ADAMTS18: variants seen among roughly 807,000 people sequenced by gnomAD.
The protein encoded by ADAMTS18 is A disintegrin and metalloproteinase with thrombospondin motifs 18.
ADAMTS18 carries 157 observed loss-of-function variants against 165.9 expected under a neutral mutation model. The ratio of observed to expected loss-of-function variants is 0.95; its 90% CI spans 0.83 to 1.08. ADAMTS18 has a LOEUF of 1.08. ADAMTS18 is among the 50% of genes least tolerant of loss of function. The pLI is 0.00. For synonymous variants in ADAMTS18, 782 were observed against 578.2 expected (o/e 1.35, Z -5.06); for missense variants, 2,040 against 1,534.0 (o/e 1.33, Z -5.51).
intron 4 of ADAMTS18, among the ~76,000 whole-genome samples, chr16:77,365,108 A>C (rs563842942): frequency 5.3e-4 from 81 of 152,266 alleles, no homozygotes; most frequent in African/African-American, 1.9e-3. Flanking sequence ...TCCTCAAAAG[A>C]AACACCCAAC....
chr16:77,318,852 T>C (rs1429841622), intron 16 of ADAMTS18, among the ~76,000 whole-genome samples: 1 of 152,194 alleles, frequency 6.6e-6, no homozygotes, highest in Non-Finnish European at 1.5e-5. Context: ...ACATGACTCC[T>C]AAGAGTAGCT....
At chr16:77,356,441 A>T (rs1033429166) in intron 8 of ADAMTS18, among the ~76,000 whole-genome samples, 4 of 152,194 alleles carry the variant, frequency 2.6e-5, no homozygotes, top group Admixed American at 2.0e-4. Context: ...CTTGTCACCA[A>T]CCACGGAACT....
chr16:77,326,720 T>C (rs1417555026), intron 12 of ADAMTS18, among the ~76,000 whole-genome samples: 2 of 152,274 alleles, frequency 1.3e-5, no homozygotes, highest in Non-Finnish European at 2.9e-5. Flanking sequence ...TTTTTAAATT[T>C]TTTAAAACTT....
At chr16:77,426,831 TG>T (rs1162347237) in intron 3 of ADAMTS18, among the ~76,000 whole-genome samples, 3 of 152,148 alleles carry the variant, frequency 2.0e-5, no homozygotes, top group Admixed American at 2.0e-4. Flanking sequence ...GAGGCCAGCC[TG>T]GGCAACATGG....
intron 2 of ADAMTS18, among the ~76,000 whole-genome samples, chr16:77,432,870 T>C (rs11860450): frequency 6.6e-6 from 1 of 152,062 alleles, no homozygotes; most frequent in Non-Finnish European, 1.5e-5. Context: ...TTCTCCACAA[T>C]AGACAATAAT....
At chr16:77,325,564 C>T (rs1597124470) in intron 13 of ADAMTS18, among the ~76,000 whole-genome samples, 1 of 151,672 alleles carries the variant, frequency 6.6e-6, no homozygotes, top group East Asian at 2.0e-4. Context: ...AATTAAGATC[C>T]CTGGGAGACT....
chr16:77,332,264 A>G (rs1205178735), intron 12 of ADAMTS18, among the ~76,000 whole-genome samples: 4 of 152,162 alleles, frequency 2.6e-5, no homozygotes, highest in Non-Finnish European at 5.9e-5. Context: ...CCAAGTTTCC[A>G]TCACATTCTT....
chr16:77,332,081 A>G (rs1022847362), intron 12 of ADAMTS18, among the ~76,000 whole-genome samples: 1 of 152,172 alleles, frequency 6.6e-6, no homozygotes, highest in Non-Finnish European at 1.5e-5. Context: ...TACTATCGTT[A>G]TCCCGTTTTT....
chr16:77,283,286 C>A lies in ADAMTS18; in HGVS notation c.*670G>T, dbSNP rs944325921. 1 of 152,724 alleles carries A rather than the reference C, an allele frequency of 6.5e-6. No individual in the cohort carries two copies. Among genetic ancestry groups the A allele is most frequent in the African/African-American group, 2.4e-5 (1 of 41,420 alleles). 9.5% of individuals were successfully genotyped at this position (152,724 alleles called of 1,614,324 possible). On this transcript the variant is annotated 3_prime_UTR_variant, in exon 23 of 23. Coordinates refer to ENST00000282849, the MANE Select transcript of ADAMTS18 (RefSeq NM_199355.4). The stretch of plus-strand genomic sequence containing the variant: ...TGGAGATCTTAAACAGTCCATGTTG[C>A]CCTATTTTCATAATATTCCTTGGAA...
intron 11 of ADAMTS18, among the ~76,000 whole-genome samples, chr16:77,338,876 C>T (rs2056353713): frequency 6.6e-6 from 1 of 150,726 alleles, no homozygotes; most frequent in South Asian, 2.1e-4. Flanking sequence ...ATGGCGTGAA[C>T]CCGGGAGATG....
intron 3 of ADAMTS18, among the ~76,000 whole-genome samples, chr16:77,430,109 A>T (rs2057720450): frequency 6.6e-6 from 1 of 152,132 alleles, no homozygotes; most frequent in Non-Finnish European, 1.5e-5. Context: ...AGAGAAATAC[A>T]AAGGGGATGC....
Position 77,283,518 on chromosome 16 carries a change from C to A in ADAMTS18, c.*438G>T. Reference sequence around the variant, plus strand: ...GGTTAGTCGAACTGTGAACTCCACGCAACAGTTAGGCAAGGTATTCCATCC... The same window carrying A: ...GGTTAGTCGAACTGTGAACTCCACGAAACAGTTAGGCAAGGTATTCCATCC... On this transcript the variant is annotated 3_prime_UTR_variant, in exon 23 of 23. Coordinates refer to ENST00000282849, the MANE Select transcript of ADAMTS18 (RefSeq NM_199355.4). 5.1e-6 allele frequency: 1 copy of A among 194,928 alleles called. No individual in the cohort carries two copies. Among genetic ancestry groups the A allele is most frequent in the South Asian group, 9.7e-5 (1 of 10,276 alleles). 12.1% of individuals were successfully genotyped at this position (194,928 alleles called of 1,614,324 possible).
intron 3 of ADAMTS18, among the ~76,000 whole-genome samples, chr16:77,419,088 G>C (rs1396458364): frequency 6.6e-6 from 1 of 152,184 alleles, no homozygotes; most frequent in East Asian, 1.9e-4. Context: ...GGCGGAGACT[G>C]CAGTGAGCCA....
intron 3 of ADAMTS18, among the ~76,000 whole-genome samples, chr16:77,411,378 T>G (rs1164422784): frequency 6.6e-6 from 1 of 152,222 alleles, no homozygotes; most frequent in Non-Finnish European, 1.5e-5. Context: ...CCATATTGCT[T>G]TCTGGATACT....
intron 3 of ADAMTS18, among the ~76,000 whole-genome samples, chr16:77,405,147 C>T (rs1018341808): frequency 1.3e-5 from 2 of 152,132 alleles, no homozygotes; most frequent in South Asian, 4.1e-4. Flanking sequence ...CACCCCTGGG[C>T]TGGGACTGGG....
intron 3 of ADAMTS18, among the ~76,000 whole-genome samples, chr16:77,391,440 C>G (rs142143522): frequency 6.7e-5 from 10 of 150,300 alleles, no homozygotes; most frequent in Non-Finnish European, 1.5e-4. Flanking sequence ...GCAGTTAAGT[C>G]GAGATCACAC....
chr16:77,320,291 G>A (rs1387784831), intron 15 of ADAMTS18, among the ~76,000 whole-genome samples, 198 bp from the exon 16 acceptor site: 3 of 152,124 alleles, frequency 2.0e-5, no homozygotes, highest in Non-Finnish European at 4.4e-5. Context: ...GAAAATGTAT[G>A]TGGCTTCCCA....
intron 3 of ADAMTS18, among the ~76,000 whole-genome samples, chr16:77,422,311 A>G (rs990461255): frequency 1.3e-5 from 2 of 152,040 alleles, no homozygotes; most frequent in Non-Finnish European, 2.9e-5. Flanking sequence ...GTTATTGCTG[A>G]ATAAGTCACC....
intron 8 of ADAMTS18, among the ~76,000 whole-genome samples, chr16:77,357,900 G>T (rs553383128): frequency 2.6e-5 from 4 of 152,176 alleles, no homozygotes; most frequent in East Asian, 1.9e-4. Flanking sequence ...AATATGTTCT[G>T]CTTTTCCTTA....
Sources: gnomAD v4.1 joint callset for allele counts (sites outside exome capture counted in the v4.1 genomes callset) on GRCh38, gnomAD v4.1.1 for gene constraint, MANE v1.5 for transcripts, NCBI Gene and HGNC (gene_info 2026-07-23, HGNC 2026-07-21) for gene names.